Variants in PPP1R9A observed in about 807,000 individuals in gnomAD.
The protein encoded by PPP1R9A is neurabin-1.
A neutral mutation model predicts 141.9 loss-of-function variants in PPP1R9A; 59 were observed. The ratio of observed to expected loss-of-function variants is 0.42; its 90% confidence interval spans 0.34 to 0.52. The LOEUF (loss-of-function observed/expected upper bound fraction) is 0.52, where lower values mean the gene tolerates loss of function less well. PPP1R9A is among the 20% of genes least tolerant of loss of function. PPP1R9A has a pLI of 0.10. For synonymous variants in PPP1R9A, 500 were observed against 569.7 expected (o/e 0.88, Z 1.74); for missense variants, 1,444 against 1,611.9 (o/e 0.90, Z 1.78).
chr7:95,058,126 C>A (rs1226219616), intron 2 of PPP1R9A, among the ~76,000 whole-genome samples: 3 of 152,204 alleles, frequency 2.0e-5, no homozygotes, highest in African/African-American at 4.8e-5. Flanking sequence ...TTAAATAATA[C>A]TGTAAGGATT....
intron 8 of PPP1R9A, among the ~76,000 whole-genome samples, chr7:95,246,736 G>A (rs1212429870): frequency 2.0e-5 from 3 of 152,072 alleles, no homozygotes; most frequent in Non-Finnish European, 4.4e-5. Flanking sequence ...GATCCCCTAA[G>A]GAAACGAATG....
At chr7:95,057,395 T>C (rs1336862268) in intron 2 of PPP1R9A, among the ~76,000 whole-genome samples, 1 of 152,148 alleles carries the variant, frequency 6.6e-6, no homozygotes, top group Non-Finnish European at 1.5e-5. Flanking sequence ...TATATTTTAG[T>C]AGTAACTACC....
chr7:95,003,580 T>G (rs112383315), intron 2 of PPP1R9A, among the ~76,000 whole-genome samples: 2 of 152,134 alleles, frequency 1.3e-5, no homozygotes, highest in Non-Finnish European at 2.9e-5. Context: ...CAGAAATAAT[T>G]TAAAATAGGG....
Position 95,111,266 on chromosome 7 carries a change from A to T in PPP1R9A, c.1403A>T (p.Asn468Ile). 2 of 1,611,938 alleles carry T rather than the reference A, an allele frequency of 1.2e-6. No homozygotes were observed. Among genetic ancestry groups the T allele is most frequent in the South Asian group, 2.2e-5 (2 of 90,878 alleles). ...GTTGGCCTCTTACTACAGGTTTTCAACACATACTCCAATGAAGACTATGAC... is the reference window on the plus strand; with the variant it reads ...GTTGGCCTCTTACTACAGGTTTTCATCACATACTCCAATGAAGACTATGAC... ...KFSSAPIKVFNTYSNEDYDRR... is the reference protein window; with the variant it reads ...KFSSAPIKVFITYSNEDYDRR... Residue 468 changes from asparagine to isoleucine, a missense_variant, in exon 3 of 20, where the codon AAC becomes ATC. By Grantham distance (149) the Asn-to-Ile change is moderately radical. Transcript: ENST00000433360.
At chr7:95,132,390 A>T (rs1229559776) in intron 4 of PPP1R9A, among the ~76,000 whole-genome samples, 1 of 152,208 alleles carries the variant, frequency 6.6e-6, no homozygotes, top group South Asian at 2.1e-4. Context: ...GGTTTTCATC[A>T]TGAAGCAATA....
At chr7:95,168,351 T>C (rs1170235295) in intron 5 of PPP1R9A, among the ~76,000 whole-genome samples, 1 of 152,010 alleles carries the variant, frequency 6.6e-6, no homozygotes, top group Non-Finnish European at 1.5e-5. Flanking sequence ...TGCAGGAGAA[T>C]GAAACTGGAC....
rs544212373 is a variant in PPP1R9A, at chr7:95,033,248, T to C, written c.1396-78011T>C. On this transcript the variant is annotated intron_variant, in intron 2 of 19. Transcript: ENST00000433360. ...CCAGGATGGTCTCGATCTCCTGACCTCGTGATCCGCCCGCCTTGGCCTCCC... is the reference window on the plus strand; with the variant it reads ...CCAGGATGGTCTCGATCTCCTGACCCCGTGATCCGCCCGCCTTGGCCTCCC... 1.4e-4 allele frequency among the ~76,000 whole-genome samples: 21 copies of C among 148,240 alleles called. 1 individual carries two copies. In the South Asian group the frequency reaches 4.3e-3, roughly 31 times the overall value.
At chr7:94,932,103 T>C (rs917900749) in intron 2 of PPP1R9A, among the ~76,000 whole-genome samples, 1 of 152,200 alleles carries the variant, frequency 6.6e-6, no homozygotes, top group African/African-American at 2.4e-5. Context: ...GTTATATAGA[T>C]AAATTGGCAA....
At chr7:95,060,344 G>T (rs556579094) in intron 2 of PPP1R9A, among the ~76,000 whole-genome samples, 1 of 152,272 alleles carries the variant, frequency 6.6e-6, no homozygotes, top group East Asian at 1.9e-4. Flanking sequence ...AGGGGGTGGG[G>T]CAGATTTGGG....
chr7:95,196,208 G>T (rs1352853513), intron 5 of PPP1R9A, among the ~76,000 whole-genome samples: 2 of 152,064 alleles, frequency 1.3e-5, no homozygotes, highest in Non-Finnish European at 2.9e-5. Flanking sequence ...TATGTGAATG[G>T]TCAGTAAGTG....
chr7:95,074,135 C>T (rs534979940), intron 2 of PPP1R9A, among the ~76,000 whole-genome samples: 1 of 152,104 alleles, frequency 6.6e-6, no homozygotes, highest in Non-Finnish European at 1.5e-5. Context: ...ATACAAATGT[C>T]TATCTCATAG....
chr7:95,144,974 C>T (rs1827350456), intron 4 of PPP1R9A, among the ~76,000 whole-genome samples: 1 of 152,080 alleles, frequency 6.6e-6, no homozygotes, highest in South Asian at 2.1e-4. Flanking sequence ...AGAAAACAAT[C>T]CCATTTCCAA....
chr7:95,056,888 G>T (rs1052987991), intron 2 of PPP1R9A, among the ~76,000 whole-genome samples: 12 of 152,044 alleles, frequency 7.9e-5, no homozygotes, highest in African/African-American at 2.9e-4. Context: ...ATGTCATTCT[G>T]CCAGACCAGT....
In PPP1R9A at chr7:95,268,607, G is replaced by A. The variant is rs368532221; in HGVS notation, c.2723G>A (p.Arg908Gln). ...CTGGATTCAAAAGCACTGAAAACTC[G>A]AGCCCAGCTCTCTGTGAAGAACAGA... ...ERLDSKALKTRAQLSVKNRRQ... is the reference protein window; with the variant it reads ...ERLDSKALKTQAQLSVKNRRQ... The change falls in exon 13 of 20, where the codon CGA (arginine) becomes CAA (glutamine). Residue 908 changes from arginine to glutamine, a missense_variant. Arg to Gln is a conservative substitution (Grantham distance 43, BLOSUM62 1). This residue lies in a region of PPP1R9A where 488 missense variants were observed against 542.0 expected (regional missense o/e 0.90). Transcript: ENST00000433360. The A allele has an allele frequency of 3.1e-6, 5 of 1,613,402 alleles. No homozygotes were observed. The highest frequency in any genetic ancestry group is 2.2e-5 in the South Asian group (2 of 91,048).
intron 3 of PPP1R9A, among the ~76,000 whole-genome samples, chr7:95,111,774 T>C (rs1034741392): frequency 6.6e-6 from 1 of 151,888 alleles, no homozygotes; most frequent in Non-Finnish European, 1.5e-5. Context: ...ATTATGGAGA[T>C]TTTTAATAAA....
intron 2 of PPP1R9A, among the ~76,000 whole-genome samples, chr7:94,984,660 T>G (rs1273219813): frequency 1.3e-5 from 2 of 151,998 alleles, no homozygotes; most frequent in South Asian, 4.1e-4. Context: ...TTGTATTTCC[T>G]TGAGATCGGT....
chr7:95,260,700 T>C (rs992952897), intron 12 of PPP1R9A, among the ~76,000 whole-genome samples: 1 of 151,146 alleles, frequency 6.6e-6, no homozygotes. Context: ...AAAAAGTTGC[T>C]TCAAGAGGAA....
At chr7:95,176,801 C>T (rs1832973618) in intron 5 of PPP1R9A, among the ~76,000 whole-genome samples, 1 of 151,914 alleles carries the variant, frequency 6.6e-6, no homozygotes, top group African/African-American at 2.4e-5. Context: ...CGAATTAACC[C>T]AATCCAACAA....
intron 2 of PPP1R9A, among the ~76,000 whole-genome samples, chr7:94,954,885 G>A (rs9656025): frequency 0.63 from 95,224 of 150,886 alleles, 31,238 homozygotes; most frequent in East Asian, 1. Context: ...GTCCACATAT[G>A]TTTGTATTTA....
Sources: allele counts gnomAD v4.1 joint callset (sites outside exome capture counted in the v4.1 genomes callset), GRCh38; gene constraint gnomAD v4.1.1; regional missense constraint gnomAD v4.1.1; transcripts MANE v1.5; gene names NCBI Gene and HGNC (gene_info 2026-07-23, HGNC 2026-07-21).